GNA12: variants seen among roughly 807,000 people sequenced by gnomAD.
The protein encoded by GNA12 is G protein subunit alpha 12.
GNA12 carries 9 observed loss-of-function variants against 26.0 expected under a neutral mutation model. That is an observed-to-expected ratio of 0.35 (90% CI 0.21 to 0.60). The LOEUF is 0.60. Ranked by LOEUF, GNA12 falls within the 20% of genes least tolerant of loss-of-function variation. GNA12 has a pLI of 0.78. For synonymous variants in GNA12, 264 were observed against 219.6 expected, an observed-to-expected ratio of 1.20 and a Z score of -1.79; for missense variants, 405 against 525.8, an observed-to-expected ratio of 0.77 and a Z score of 2.25.
At chr7:2,811,894 G>C (rs1321477110) in intron 1 of GNA12, among the ~76,000 whole-genome samples, 1 of 152,230 alleles carries the variant, frequency 6.6e-6, no homozygotes, top group East Asian at 1.9e-4. Flanking sequence ...TAAGAGCCAA[G>C]TGAAAAGTCC....
At chr7:2,755,138 C>T (rs996310980) in intron 2 of GNA12, among the ~76,000 whole-genome samples, 5 of 152,202 alleles carry the variant, frequency 3.3e-5, no homozygotes, top group Non-Finnish European at 4.4e-5. Flanking sequence ...TCTCTCCCTG[C>T]GCCAGCACCA....
At chr7:2,749,285 G>T (rs1583232045) in intron 2 of GNA12, among the ~76,000 whole-genome samples, 1 of 152,154 alleles carries the variant, frequency 6.6e-6, no homozygotes, top group East Asian at 1.9e-4. Flanking sequence ...TGATAGACTG[G>T]ATTAAGAAAA....
chr7:2,839,231 G>A (rs1333421494), intron 1 of GNA12, among the ~76,000 whole-genome samples: 1 of 145,728 alleles, frequency 6.9e-6, no homozygotes. Context: ...GAGACAACAG[G>A]AAAATCTTTT....
At chr7:2,773,693 A>T (rs1443504328) in intron 2 of GNA12, among the ~76,000 whole-genome samples, 1 of 152,182 alleles carries the variant, frequency 6.6e-6, no homozygotes, top group East Asian at 1.9e-4. Context: ...GTAGAGCACA[A>T]ATACAAACAC....
intron 2 of GNA12, among the ~76,000 whole-genome samples, chr7:2,744,482 CA>C (rs1229893960): frequency 6.6e-6 from 1 of 152,164 alleles, no homozygotes; most frequent in African/African-American, 2.4e-5. Context: ...GGAAAACTAA[CA>C]AACAGGAAGG....
chr7:2,751,915 T>C (rs566124031), intron 2 of GNA12, among the ~76,000 whole-genome samples: 59 of 152,206 alleles, frequency 3.9e-4, no homozygotes, highest in Middle Eastern at 6.8e-3. Context: ...GACCTCACTA[T>C]CAAACACGTA....
intron 1 of GNA12, among the ~76,000 whole-genome samples, chr7:2,840,151 T>C (rs1778948925): frequency 6.6e-6 from 1 of 152,180 alleles, no homozygotes; most frequent in South Asian, 2.1e-4. Flanking sequence ...GATTGTGCTA[T>C]CTAGTTCTAC....
At chr7:2,787,852 C>T (rs1470841534) in intron 2 of GNA12, among the ~76,000 whole-genome samples, 3 of 152,172 alleles carry the variant, frequency 2.0e-5, no homozygotes, top group African/African-American at 7.2e-5. Flanking sequence ...GTTACCACGG[C>T]AGAGAGAAAA....
At chr7:2,835,318 T>C (rs902699381) in intron 1 of GNA12, among the ~76,000 whole-genome samples, 2 of 152,162 alleles carry the variant, frequency 1.3e-5, no homozygotes, top group African/African-American at 4.8e-5. Flanking sequence ...GACAGCCCAG[T>C]CAGGAAGTGA....
intron 1 of GNA12, among the ~76,000 whole-genome samples, chr7:2,818,402 C>A (rs940758036): frequency 6.6e-6 from 1 of 152,166 alleles, no homozygotes; most frequent in Non-Finnish European, 1.5e-5. Context: ...ATAGTCTCTC[C>A]AACGGAGAAC....
rs149720495 is a variant in GNA12, at chr7:2,831,117, T to G, written c.309+12736A>C. ...GCTGTCCCAAGATGATTACTTTTCA[T>G]GAGGCATCTGCTTTAACTAGTGCGT... On this transcript the variant is annotated intron_variant, in intron 1 of 3. Transcript: ENST00000275364. 2.8e-3 allele frequency among the ~76,000 whole-genome samples: 422 copies of G among 152,158 alleles called. 4 individuals are homozygous for G. The highest frequency in any genetic ancestry group is 9.6e-3 in the African/African-American group (397 of 41,502).
intron 2 of GNA12, among the ~76,000 whole-genome samples, chr7:2,759,534 A>G (rs1156495672): frequency 3.3e-5 from 5 of 152,238 alleles, no homozygotes; most frequent in Admixed American, 2.0e-4. Context: ...AAGGAAAGGA[A>G]TAATTAGCCA....
chr7:2,728,804 G>C lies in GNA12; in HGVS notation c.*2377C>G, dbSNP rs1482728196. 1 of 152,352 alleles carries C rather than the reference G, an allele frequency of 6.6e-6. No individual in the cohort carries two copies. The highest frequency in any genetic ancestry group is 1.5e-5 in the Non-Finnish European group (1 of 68,050). 9.4% of individuals were successfully genotyped at this position (152,352 alleles called of 1,614,324 possible). A position where few individuals can be genotyped will look rare whatever the true frequency, so the allele number is the denominator to read the frequency against. ...TACAATGTGTTACAGAATTTGGAAG[G>C]GGGTGTCTTTAAAAACGTTCTAATT... On this transcript the variant is annotated 3_prime_UTR_variant, in exon 4 of 4. Transcript: ENST00000275364.
At chr7:2,745,716 C>G (rs1222644637) in intron 2 of GNA12, among the ~76,000 whole-genome samples, 1 of 152,204 alleles carries the variant, frequency 6.6e-6, no homozygotes. Flanking sequence ...TTAAAAGACA[C>G]AGACTGGCAA....
At chr7:2,836,814 C>T (rs1468451180) in intron 1 of GNA12, among the ~76,000 whole-genome samples, 1 of 152,130 alleles carries the variant, frequency 6.6e-6, no homozygotes, top group Non-Finnish European at 1.5e-5. Context: ...GTCCCAGCTA[C>T]TTGGGAGGCT....
chr7:2,762,670 C>A, intron 2 of GNA12: 1 of 1,597,336 alleles, frequency 6.3e-7, no homozygotes, highest in East Asian at 2.3e-5. Context: ...GAGGATAAAT[C>A]ATTTGGAAAG....
At chr7:2,842,226 C>A (rs1198231182) in intron 1 of GNA12, among the ~76,000 whole-genome samples, 4 of 152,042 alleles carry the variant, frequency 2.6e-5, no homozygotes, top group African/African-American at 7.3e-5. Flanking sequence ...GTTCCCTCAT[C>A]ATCAGTTTCC....
At chr7:2,792,401 TC>T (rs774525032) in intron 2 of GNA12, among the ~76,000 whole-genome samples, 4 of 152,014 alleles carry the variant, frequency 2.6e-5, no homozygotes, top group Non-Finnish European at 4.4e-5. Flanking sequence ...AATTGGGAGG[TC>T]CCTTCCAGCA....
At chr7:2,820,606 G>A (rs905355697) in intron 1 of GNA12, among the ~76,000 whole-genome samples, 11 of 152,172 alleles carry the variant, frequency 7.2e-5, no homozygotes, top group African/African-American at 2.2e-4. Flanking sequence ...CACAGAGCAC[G>A]GAAGTGACAC....
Sources: allele counts gnomAD v4.1 joint callset (sites outside exome capture counted in the v4.1 genomes callset), GRCh38; gene constraint gnomAD v4.1.1; transcripts MANE v1.5; gene names NCBI Gene and HGNC (gene_info 2026-07-23, HGNC 2026-07-21).